POLR1A: variants seen among roughly 807,000 people sequenced by gnomAD.
POLR1A encodes the protein RNA polymerase I subunit A.
POLR1A carries 84 observed loss-of-function variants against 205.3 expected under a neutral mutation model. That is an observed-to-expected ratio of 0.41 (90% confidence interval 0.34 to 0.49). The LOEUF is 0.49. Among genes scored for constraint, POLR1A ranks in the 20% least tolerant of loss-of-function variants. The pLI, the probability that POLR1A is intolerant of heterozygous loss-of-function variation, is 0.22. For synonymous variants in POLR1A, 799 were observed against 863.7 expected, an observed-to-expected ratio of 0.93 and a Z score of 1.31; for missense variants, 1,645 against 2,204.5, an observed-to-expected ratio of 0.75 and a Z score of 5.08.
Position 86,045,518 on chromosome 2 carries a change from C to G in POLR1A, c.2886+99G>C, listed in dbSNP as rs1672694277. The G allele has an allele frequency of 2.2e-6, 3 of 1,358,610 alleles. No homozygotes were observed. In the Admixed American group the frequency reaches 5.3e-5, roughly 24 times the overall value. 84.2% of individuals were successfully genotyped at this position (1,358,610 alleles called of 1,614,324 possible). A position where few individuals can be genotyped will look rare whatever the true frequency, so the allele number is the denominator to read the frequency against. On this transcript the variant is annotated intron_variant, in intron 20 of 33. Transcript: ENST00000263857. ...TTGACCTCGACAGCTACAATAGCCC[C>G]CAGTGTCTTCTGCCCTACCCTGTAG...
At position 86,089,876 on chromosome 2, in the gene POLR1A, T is replaced by C; in HGVS notation, c.486A>G (p.Glu162=). ...TCTGCACAATTTCAGTTGTGTATTG[T>C]TCTAATTCCTCCCGAATTTCAGAGG... is the stretch of plus-strand genomic sequence containing the variant. ...PSASEIREEL[E]QYTTEIVQNN... The change falls in exon 4 of 34, where the codon GAA becomes GAG. Residue 162 remains glutamate, a synonymous_variant. Coordinates refer to ENST00000263857, the MANE Select transcript of POLR1A (RefSeq NM_015425.6). 1.9e-6 allele frequency: 3 copies of C among 1,613,360 alleles called. No individual in the cohort carries two copies. Among genetic ancestry groups the C allele is most frequent in the Non-Finnish European group, 2.5e-6 (3 of 1,179,238 alleles).
At chr2:86,088,752 C>CT (rs754328965) in intron 5 of POLR1A, 33 bp downstream of exon 5, 3 of 1,595,946 alleles carry the variant, frequency 1.9e-6, no homozygotes, top group Non-Finnish European at 2.6e-6. Flanking sequence ...TGCCCAGAGA[C>CT]GTCTCACCTG....
rs778184795 is a variant in POLR1A, at chr2:86,100,145, G to T, written c.105C>A (p.Asn35Lys). ...LKKLSVKSIT[N>K]PRYLDSLGNP... ...TCCCCAGGCTGTCCAGGTATCGAGG[G>T]TTCGTAATGGATTTAACACTTAATT... Residue 35 changes from asparagine (N) to lysine (K), a missense_variant, in exon 2 of 34, where the codon AAC (asparagine) becomes AAA (lysine). Physicochemically the swap from Asn to Lys is moderately conservative, Grantham distance 94 (BLOSUM62 0). Transcript: ENST00000263857. 7 of 1,614,014 alleles carry T rather than the reference G, an allele frequency of 4.3e-6. No homozygotes were observed. In the South Asian group the frequency reaches 7.7e-5, roughly 18 times the overall value.
rs762304206 is a variant in POLR1A at position 86,089,833 on chromosome 2, G to C, written c.529C>G (p.Gln177Glu). The part of the protein sequence containing the change: ...EIVQNNLLGS[Q>E]GAHVKNVCES... ...CAGTGTTAACTCACATGTGCGCCCT[G>C]GGACCCCAGGAGGTTGTTCTGCACA... The change falls in exon 4 of 34, where the codon CAG (glutamine) becomes GAG (glutamate). Residue 177 changes from glutamine (Q) to glutamate (E), a missense_variant. Gln to Glu is a conservative substitution (Grantham distance 29). Transcript: ENST00000263857. 3 of 1,601,632 alleles carry C rather than the reference G, an allele frequency of 1.9e-6. No homozygotes were observed. The South Asian group carries it at 3.3e-5, about 18-fold the overall frequency.
intron 31 of POLR1A, among the ~76,000 whole-genome samples, chr2:86,029,192 C>A (rs1558760541): frequency 6.6e-6 from 1 of 152,226 alleles, no homozygotes; most frequent in South Asian, 2.1e-4. Context: ...TCTCACCCTG[C>A]ACTCTTGGCA....
At chr2:86,089,454 G>A (rs938184035) in intron 4 of POLR1A, among the ~76,000 whole-genome samples, 3 of 152,206 alleles carry the variant, frequency 2.0e-5, no homozygotes, top group South Asian at 2.1e-4. Flanking sequence ...TCATTCATTC[G>A]TTGAACAAAT....
At chr2:86,073,212 AT>A (rs1394459568) in intron 12 of POLR1A, among the ~76,000 whole-genome samples, 264 of 59,534 alleles carry the variant, frequency 4.4e-3, no homozygotes, top group African/African-American at 8.1e-3. Context: ...AAAAAATAAA[AT>A]AAAAAAAAAA....
chr2:86,062,534 A>G (rs748141231), intron 14 of POLR1A, among the ~76,000 whole-genome samples: 1 of 152,154 alleles, frequency 6.6e-6, no homozygotes, highest in Non-Finnish European at 1.5e-5. Context: ...AAAACACAAC[A>G]TATTAATTTG....
intron 18 of POLR1A, among the ~76,000 whole-genome samples, chr2:86,048,416 C>T (rs1364760032): frequency 2.0e-5 from 3 of 152,178 alleles, no homozygotes; most frequent in Non-Finnish European, 4.4e-5. Context: ...CCTCACAGCC[C>T]CACTTCCAGG....
chr2:86,052,827 G>C lies in POLR1A; in HGVS notation c.2382C>G (p.Gly794=). The change falls in exon 16 of 34, where the codon GGC becomes GGG. Residue 794 remains glycine, a synonymous_variant. Transcript: ENST00000263857. ...GAGCCCGGCACTTACCCAAGGTGAA[G>C]CCTCTGTAGAGCTGCAGGTAGGCGG... ...LFTAYLQLYR[G]FTLGVEDILV... is the part of the protein sequence containing the mutation. 1 of 1,553,508 alleles carries C rather than the reference G, an allele frequency of 6.4e-7. No homozygotes were observed. The highest frequency in any genetic ancestry group is 8.7e-7 in the Non-Finnish European group (1 of 1,148,772).
At chr2:86,068,397 G>GGGGGGGGGGGGGGGT (rs531431785) in intron 13 of POLR1A, among the ~76,000 whole-genome samples, 1 of 107,890 alleles carries the variant, frequency 9.3e-6, no homozygotes. Flanking sequence ...GGGGGGGGGG[G>GGGGGGGGGGGGGGGT]GCGGGTGTCG....
chr2:86,027,693 C>G (rs1553432179), intron 33 of POLR1A, among the ~76,000 whole-genome samples, 170 bp from the exon 34 acceptor site: 1 of 152,198 alleles, frequency 6.6e-6, no homozygotes, highest in Non-Finnish European at 1.5e-5. Flanking sequence ...GGGGAAGGCC[C>G]TCTTCCTGTT....
At chr2:86,094,406 G>C (rs1673665251) in intron 3 of POLR1A, among the ~76,000 whole-genome samples, 1 of 152,138 alleles carries the variant, frequency 6.6e-6, no homozygotes, top group Admixed American at 6.5e-5. Flanking sequence ...ACAGGCTTTT[G>C]TGCCCTTTGG....
At chr2:86,031,774 T>C in intron 29 of POLR1A, 139 bp from the exon 30 acceptor site, 1 of 1,146,234 alleles carries the variant, frequency 8.7e-7, no homozygotes, top group Non-Finnish European at 1.2e-6. Context: ...TCCCGGCTCC[T>C]CTGCTCCGGC....
At chr2:86,030,612 G>T (rs985199295) in intron 30 of POLR1A, among the ~76,000 whole-genome samples, 19 of 152,180 alleles carry the variant, frequency 1.2e-4, no homozygotes, top group African/African-American at 4.1e-4. Context: ...AAACAGTGGG[G>T]TTGTTTTCAC....
rs753486574 is a variant in POLR1A, at chr2:86,081,648, G to C, written c.876C>G (p.Phe292Leu). 27 of 1,612,680 alleles carry C rather than the reference G, an allele frequency of 1.7e-5. No homozygotes were observed. In the Middle Eastern group the frequency reaches 4.9e-4, roughly 30 times the overall value. Residue 292 changes from phenylalanine to leucine, a missense_variant, in exon 8 of 34, where the codon TTC (phenylalanine) becomes TTG (leucine). Around this residue, in one of 16 missense-constraint regions of POLR1A, gnomAD observed 330 missense variants for 375.6 expected, o/e 0.88. Transcript: ENST00000263857. ...AATCTAGAAAGAACACACTGGGATTGAATCTGGATTCCATACCATCATCAT... is the reference window on the plus strand; with the variant it reads ...AATCTAGAAAGAACACACTGGGATTCAATCTGGATTCCATACCATCATCAT... ...GMDDDGMESRFNPSVFFLDFL... is the reference protein window; with the variant it reads ...GMDDDGMESRLNPSVFFLDFL...
chr2:86,031,162 C>A (rs909671358), intron 30 of POLR1A, among the ~76,000 whole-genome samples, 168 bp downstream of exon 30: 2 of 152,176 alleles, frequency 1.3e-5, no homozygotes, highest in African/African-American at 4.8e-5. Context: ...ACAAATGACT[C>A]TCGCAGGCCC....
intron 3 of POLR1A, among the ~76,000 whole-genome samples, chr2:86,098,087 G>T (rs1368445790): frequency 1.3e-5 from 2 of 152,164 alleles, no homozygotes; most frequent in African/African-American, 2.4e-5. Context: ...ACCAATAGGT[G>T]AACAACCTGA....
chr2:86,105,731 A>C lies in POLR1A; in HGVS notation c.46T>G (p.Ser16Ala), dbSNP rs1472717842. ...NMPWRRLQGI[S>A]FGMYSAEELK... ...TCTTCAGCCGAATACATCCCGAAGG[A>C]AATGCCCTGCAGCCGCCGCCAGGGC... The change falls in exon 1 of 34, where the codon TCC becomes GCC. Residue 16 changes from serine to alanine, a missense_variant. By Grantham distance (99) the Ser-to-Ala change is moderately conservative. Coordinates refer to ENST00000263857, the MANE Select transcript of POLR1A (RefSeq NM_015425.6). 1.2e-6 allele frequency: 2 copies of C among 1,614,018 alleles called. No individual in the cohort carries two copies. The highest frequency in any genetic ancestry group is 1.1e-5 in the South Asian group (1 of 91,094).
Sources: allele counts gnomAD v4.1 joint callset (sites outside exome capture counted in the v4.1 genomes callset), GRCh38; gene constraint gnomAD v4.1.1; regional missense constraint gnomAD v4.1.1; transcripts MANE v1.5; gene names NCBI Gene and HGNC (gene_info 2026-07-23, HGNC 2026-07-21).